ERBB4: variants seen among roughly 807,000 people sequenced by gnomAD.
ERBB4 encodes erb-b2 receptor tyrosine kinase 4.
ERBB4 carries 42 observed loss-of-function variants against 158.0 expected under a neutral mutation model. That is an observed-to-expected ratio of 0.27 (90% confidence interval 0.21 to 0.34). The LOEUF is 0.34. ERBB4 is among the 10% of genes least tolerant of loss of function. The pLI is 1.00. For synonymous variants in ERBB4, 583 were observed against 558.7 expected (o/e 1.04, Z -0.61); for missense variants, 1,333 against 1,624.1 (o/e 0.82, Z 3.08).
At chr2:211,954,434 G>A (rs1357915398) in intron 2 of ERBB4, among the ~76,000 whole-genome samples, 1 of 151,532 alleles carries the variant, frequency 6.6e-6, no homozygotes, top group East Asian at 1.9e-4. Context: ...ATCCATTTTT[G>A]TTAAAACCTT....
intron 13 of ERBB4, among the ~76,000 whole-genome samples, chr2:211,678,304 A>C (rs11447152): frequency 0.36 from 16,643 of 45,814 alleles, 1,360 homozygotes; most frequent in Non-Finnish European, 0.43. Context: ...AACAAACAAA[A>C]AAAAACAAAC....
intron 2 of ERBB4, among the ~76,000 whole-genome samples, chr2:212,114,244 T>C (rs79264693): frequency 0.014 from 2,079 of 152,282 alleles, 20 homozygotes; most frequent in African/African-American, 0.026. Flanking sequence ...TAGTAAAATA[T>C]CTCTGAAGAA....
In ERBB4 at chr2:212,447,146, G is replaced by A. The variant is rs1333042973; in HGVS notation, c.82+91303C>T. ...CAAGTAGCTGGGACTACAGGCACCC[G>A]CCACCATGCCCGGCTAATTTTTTGT... On this transcript the variant is annotated intron_variant, in intron 1 of 27. Coordinates refer to ENST00000342788, the MANE Select transcript of ERBB4 (RefSeq NM_005235.3). 4.6e-5 allele frequency among the ~76,000 whole-genome samples: 7 copies of A among 151,850 alleles called. No individual in the cohort carries two copies. In the East Asian group the frequency reaches 7.8e-4, roughly 17 times the overall value.
chr2:211,577,817 T>G (rs1218184828), intron 19 of ERBB4, among the ~76,000 whole-genome samples: 1 of 152,178 alleles, frequency 6.6e-6, no homozygotes, highest in East Asian at 1.9e-4. Flanking sequence ...TATCTCAAAA[T>G]AATAAGAGAC....
rs1350467799 is a variant in ERBB4 at position 211,544,756 on chromosome 2, T to G, written c.2487+17147A>C. Among the ~76,000 whole-genome samples the G allele has an allele frequency of 1.4e-5, 2 of 142,684 alleles. 1 individual carries two copies. The highest frequency in any genetic ancestry group is 3.1e-5 in the Non-Finnish European group (2 of 64,542). 93.6% of individuals were successfully genotyped at this position (142,684 alleles called of 152,430 possible). ...TGTAAGAATTAAGAGAAGTACTCTA[T>G]GTACCTCGTTTGCATGACTTCAGTG... On this transcript the variant is annotated intron_variant, in intron 20 of 27. Transcript: ENST00000342788.
chr2:211,753,341 T>C lies in ERBB4; in HGVS notation c.557-2637A>G, dbSNP rs151329152. 3.3e-3 allele frequency among the ~76,000 whole-genome samples: 509 copies of C among 152,170 alleles called. 4 individuals are homozygous for C. The highest frequency in any genetic ancestry group is 0.012 in the African/African-American group (486 of 41,528). On this transcript the variant is annotated intron_variant, in intron 4 of 27. Coordinates refer to ENST00000342788, the MANE Select transcript of ERBB4 (RefSeq NM_005235.3). ...CTACATCCTTCCAACCACGTATCCC[T>C]GATTATTTCATAAGTACCTTCTTCA... is the stretch of plus-strand genomic sequence containing the variant.
intron 1 of ERBB4, among the ~76,000 whole-genome samples, chr2:212,203,416 A>G (rs575827803): frequency 2.8e-4 from 43 of 152,230 alleles, no homozygotes; most frequent in Non-Finnish European, 5.0e-4. Context: ...AGGAGAAGGC[A>G]GAGTAATAGG....
intron 16 of ERBB4, among the ~76,000 whole-genome samples, chr2:211,655,277 A>G (rs971672631): frequency 6.6e-6 from 1 of 152,086 alleles, no homozygotes; most frequent in South Asian, 2.1e-4. Flanking sequence ...TGTGGCTTTA[A>G]AGACCTCTCT....
chr2:211,734,474 A>C (rs2106161770), intron 5 of ERBB4, among the ~76,000 whole-genome samples: 1 of 152,284 alleles, frequency 6.6e-6, no homozygotes, highest in South Asian at 2.1e-4. Flanking sequence ...GACTTACAGA[A>C]GAATGTGCAT....
intron 4 of ERBB4, among the ~76,000 whole-genome samples, chr2:211,759,488 C>T (rs776350455): frequency 2.0e-5 from 3 of 152,056 alleles, no homozygotes; most frequent in African/African-American, 7.2e-5. Context: ...TATTTTCCTC[C>T]GGGCTTACTC....
intron 20 of ERBB4, among the ~76,000 whole-genome samples, chr2:211,534,385 T>C (rs1010794624): frequency 3.3e-5 from 5 of 152,078 alleles, no homozygotes; most frequent in African/African-American, 1.2e-4. Flanking sequence ...AAAGGTATTG[T>C]TAAACTAGGA....
At chr2:211,984,710 C>T (rs1207542447) in intron 2 of ERBB4, among the ~76,000 whole-genome samples, 1 of 151,994 alleles carries the variant, frequency 6.6e-6, no homozygotes, top group Non-Finnish European at 1.5e-5. Context: ...AAACAACTTT[C>T]AGCCATGTTC....
chr2:212,127,993 T>C (rs1387976867), intron 1 of ERBB4, among the ~76,000 whole-genome samples: 4 of 152,212 alleles, frequency 2.6e-5, no homozygotes, highest in Admixed American at 2.6e-4. Flanking sequence ...CTCTGTGGTA[T>C]GTTGTTACTA....
At chr2:212,530,130 AG>A (rs1692669779) in intron 1 of ERBB4, among the ~76,000 whole-genome samples, 1 of 152,084 alleles carries the variant, frequency 6.6e-6, no homozygotes, top group South Asian at 2.1e-4. Context: ...GAGATTTTAG[AG>A]GTTTGAGGAC....
chr2:211,807,808 G>A (rs1435771595), intron 3 of ERBB4, among the ~76,000 whole-genome samples: 1 of 152,106 alleles, frequency 6.6e-6, no homozygotes, highest in Non-Finnish European at 1.5e-5. Context: ...ACTTTTTAAT[G>A]ATCTCCATTG....
At chr2:211,732,632 G>A (rs987825356) in intron 5 of ERBB4, among the ~76,000 whole-genome samples, 2 of 152,038 alleles carry the variant, frequency 1.3e-5, no homozygotes, top group African/African-American at 2.4e-5. Context: ...CTGTACAGTC[G>A]CTACTGAAAT....
intron 3 of ERBB4, among the ~76,000 whole-genome samples, chr2:211,873,422 TTCA>T (rs1426550121): frequency 6.6e-6 from 1 of 151,704 alleles, no homozygotes; most frequent in African/African-American, 2.4e-5. Flanking sequence ...GTAGTTTCTC[TTCA>T]TAATACAAAA....
intron 2 of ERBB4, among the ~76,000 whole-genome samples, chr2:212,122,151 C>G (rs928598417): frequency 2.0e-5 from 3 of 151,550 alleles, no homozygotes; most frequent in African/African-American, 7.3e-5. Flanking sequence ...TATAGATACA[C>G]AAACACATAT....
chr2:212,033,733 C>G (rs2076953264), intron 2 of ERBB4, among the ~76,000 whole-genome samples: 2 of 151,778 alleles, frequency 1.3e-5, no homozygotes, highest in Admixed American at 1.3e-4. Flanking sequence ...ATTGGAGGCT[C>G]TAAGGTCATG....
Sources: allele counts gnomAD v4.1 joint callset (sites outside exome capture counted in the v4.1 genomes callset), GRCh38; gene constraint gnomAD v4.1.1; transcripts MANE v1.5; gene names NCBI Gene and HGNC (gene_info 2026-07-23, HGNC 2026-07-21).